The following RETSAT variants were observed in gnomAD, a reference collection of about 807,000 sequenced individuals.
RETSAT encodes all-trans-retinol 13,14-reductase.
In RETSAT, 35 loss-of-function variants were observed where a neutral mutation model predicts 61.6. The observed-to-expected ratio is 0.57, with a 90% confidence interval of 0.43 to 0.75. RETSAT has a LOEUF of 0.75. RETSAT is among the 30% of genes least tolerant of loss of function. RETSAT has a pLI of 0.00. For synonymous variants in RETSAT, 277 were observed against 310.4 expected, an observed-to-expected ratio of 0.89 and a Z score of 1.13; for missense variants, 670 against 759.5, an observed-to-expected ratio of 0.88 and a Z score of 1.38.
chr2:85,351,305 C>G (rs1213286063), intron 2 of RETSAT: 2 of 479,636 alleles, frequency 4.2e-6, no homozygotes, highest in Non-Finnish European at 7.5e-6. Context: ...GGAGGTGGAT[C>G]ACTTGAGGTC....
intron 4 of RETSAT, 191 bp downstream of exon 4, chr2:85,349,840 TCATCCAAGG>T: frequency 1.6e-6 from 1 of 635,232 alleles, no homozygotes; most frequent in Non-Finnish European, 2.7e-6. Flanking sequence ...AATTGAAAAA[TCATCCAAGG>T]CATGGATGAA....
chr2:85,343,248 C>G lies in RETSAT; in HGVS notation c.1827G>C (p.Lys609Asn), dbSNP rs773773165. 2.5e-6 allele frequency: 4 copies of G among 1,614,050 alleles called. No homozygotes were observed. Among genetic ancestry groups the G allele is most frequent in the Non-Finnish European group, 3.4e-6 (4 of 1,179,884 alleles). The change falls in exon 11 of 11, where the codon AAG becomes AAC. Residue 609 changes from lysine to asparagine, a missense_variant. Physicochemically the swap from Lys to Asn is moderately conservative, Grantham distance 94. Coordinates refer to ENST00000295802, the MANE Select transcript of RETSAT (RefSeq NM_017750.4). ...TGACTCCTCCCTGATGGAACTAATTCTTTTTCTTCTGTGCCCGGATCCTAG... is the reference window on the plus strand; with the variant it reads ...TGACTCCTCCCTGATGGAACTAATTGTTTTTCTTCTGTGCCCGGATCCTAG... ...LDSRIRAQKK[K>N]N
chr2:85,345,535 T>C (rs1052839458), intron 6 of RETSAT: 5 of 339,934 alleles, frequency 1.5e-5, no homozygotes, highest in African/African-American at 1.1e-4. Flanking sequence ...ACTGGTCCCC[T>C]CTTCCCAGCG....
chr2:85,354,433 G>A lies in RETSAT; in HGVS notation c.75C>T (p.Phe25=). The A allele has an allele frequency of 1.9e-6, 3 of 1,614,236 alleles. No homozygotes were observed. Among genetic ancestry groups the A allele is most frequent in the Non-Finnish European group, 2.5e-6 (3 of 1,180,044 alleles). ...AGAAAGGATTCGGGGAGCTGCCAGA[G>A]AATAGTCCCAAGTAAACTTTGCAGA... ...AVLCKVYLGL[F]SGSSPNPFSE... The change falls in exon 1 of 11, where the codon TTC becomes TTT. Residue 25 remains phenylalanine (F), a synonymous_variant. Transcript: ENST00000295802.
chr2:85,349,299 T>G, intron 5 of RETSAT, 85 bp downstream of exon 5: 1 of 1,344,712 alleles, frequency 7.4e-7, no homozygotes, highest in South Asian at 1.2e-5. Context: ...TCAGTTCTCC[T>G]ACTCCTTCTG....
intron 3 of RETSAT, 28 bp from the exon 4 acceptor site, chr2:85,350,269 C>CTCAT: frequency 6.4e-7 from 1 of 1,572,644 alleles, no homozygotes; most frequent in Non-Finnish European, 8.8e-7. Flanking sequence ...GACAGCAGGC[C>CTCAT]TCACCTCTAG....
chr2:85,343,027 T>C lies in RETSAT; in HGVS notation c.*215A>G. 1 of 525,974 alleles carries C rather than the reference T, an allele frequency of 1.9e-6. No individual in the cohort carries two copies. Among genetic ancestry groups the C allele is most frequent in the Non-Finnish European group, 3.4e-6 (1 of 294,294 alleles). 32.6% of individuals were successfully genotyped at this position (525,974 alleles called of 1,614,324 possible). A position where few individuals can be genotyped will look rare whatever the true frequency, so the allele number is the denominator to read the frequency against. ...TCCTATTAGTAGGGATGGCATGTTA[T>C]AAAAGGCGTAAAGATCTCACCTGCC... On this transcript the variant is annotated 3_prime_UTR_variant, in exon 11 of 11. Coordinates refer to ENST00000295802, the MANE Select transcript of RETSAT (RefSeq NM_017750.4).
intron 5 of RETSAT, among the ~76,000 whole-genome samples, chr2:85,348,630 C>CAAAAAAAAA (rs11400450): frequency 2.3e-5 from 1 of 43,898 alleles, no homozygotes; most frequent in Non-Finnish European, 5.5e-5. Context: ...GACTCCAACT[C>CAAAAAAAAA]AAAAAAAAAA....
intron 1 of RETSAT, among the ~76,000 whole-genome samples, chr2:85,353,366 G>A (rs899241381): frequency 2.0e-5 from 3 of 152,214 alleles, no homozygotes; most frequent in East Asian, 1.9e-4. Context: ...CCCAGGAGGC[G>A]GAAGTTGCGG....
rs1683133685 is a variant in RETSAT at position 85,343,785 on chromosome 2, G to C, written c.1547C>G (p.Thr516Ser). The change falls in exon 10 of 11, where the codon ACT becomes AGT. Residue 516 changes from threonine to serine, a missense_variant. Thr to Ser is a moderately conservative substitution (Grantham distance 58). Coordinates refer to ENST00000295802, the MANE Select transcript of RETSAT (RefSeq NM_017750.4). ...CTGGTTGGTGAGTGGGGATCCTGCAGTCACACTCTCCACCTGAGGGCAGAA... is the reference window on the plus strand; with the variant it reads ...CTGGTTGGTGAGTGGGGATCCTGCACTCACACTCTCCACCTGAGGGCAGAA... ...PQLEGKVESV[T>S]AGSPLTNQFY... 5.6e-6 allele frequency: 9 copies of C among 1,613,848 alleles called. No homozygotes were observed. The East Asian group carries it at 2.0e-4, about 36-fold the overall frequency.
chr2:85,346,754 T>TA (rs1343032183), intron 5 of RETSAT, among the ~76,000 whole-genome samples: 6 of 151,868 alleles, frequency 4.0e-5, no homozygotes, highest in Admixed American at 2.0e-4. Flanking sequence ...ACCGTGTATC[T>TA]AAAAAAAATG....
Position 85,351,828 on chromosome 2 carries a change from A to G in RETSAT, c.207T>C (p.Asp69=). Residue 69 remains aspartate, a synonymous_variant, in exon 2 of 11, where the codon GAT becomes GAC. Transcript: ENST00000295802. ...FSANQVPEKL[D]VVVIGSGFGG... ...CAAAGCCACTGCCAATTACCACCAC[A>G]TCCAGCTTCTCCGGCACTTGGTTGG... 6.2e-7 allele frequency: 1 copy of G among 1,614,046 alleles called. No homozygotes were observed. Among genetic ancestry groups the G allele is most frequent in the Non-Finnish European group, 8.5e-7 (1 of 1,180,004 alleles).
chr2:85,350,275 T>C, intron 3 of RETSAT, 34 bp from the exon 4 acceptor site: 3 of 1,518,998 alleles, frequency 2.0e-6, no homozygotes, highest in Non-Finnish European at 2.7e-6. Context: ...AGGCCTCACC[T>C]CTAGAACCGC....
chr2:85,351,159 AG>A, intron 2 of RETSAT, 138 bp from the exon 3 acceptor site: 1 of 1,019,544 alleles, frequency 9.8e-7, no homozygotes, highest in Non-Finnish European at 1.4e-6. Context: ...CTCTGTCTGT[AG>A]GGAGGTGTCA....
At chr2:85,349,310 G>A (rs1232172084) in intron 5 of RETSAT, 74 bp downstream of exon 5, 11 of 1,449,744 alleles carry the variant, frequency 7.6e-6, no homozygotes, top group South Asian at 1.2e-5. Flanking sequence ...ACTCCTTCTG[G>A]TCTCAGGGAG....
At chr2:85,352,002 A>G (rs535914832) in intron 1 of RETSAT, 140 bp from the exon 2 acceptor site, 4 of 736,776 alleles carry the variant, frequency 5.4e-6, no homozygotes, top group African/African-American at 5.3e-5. Flanking sequence ...CTTGACTAAC[A>G]TGTTTCAAAC....
At chr2:85,351,623 C>T (rs1683300828) in intron 2 of RETSAT, 57 bp downstream of exon 2, 2 of 1,545,106 alleles carry the variant, frequency 1.3e-6, no homozygotes, top group Non-Finnish European at 8.8e-7. Flanking sequence ...ACAAGGGCTG[C>T]TCCAAGCCTC....
chr2:85,350,715 A>G, intron 3 of RETSAT, 65 bp downstream of exon 3: 1 of 1,597,730 alleles, frequency 6.3e-7, no homozygotes, highest in East Asian at 2.2e-5. Context: ...CAGTGCCTCC[A>G]CTAATAATAA....
intron 5 of RETSAT, among the ~76,000 whole-genome samples, chr2:85,347,260 C>T (rs1280856399): frequency 3.3e-5 from 5 of 152,082 alleles, no homozygotes; most frequent in African/African-American, 4.8e-5. Flanking sequence ...GATGAAGCCT[C>T]GCTCCGTTGC....
Sources: gnomAD v4.1 joint callset for allele counts (sites outside exome capture counted in the v4.1 genomes callset) on GRCh38, gnomAD v4.1.1 for gene constraint, MANE v1.5 for transcripts, NCBI Gene and HGNC (gene_info 2026-07-23, HGNC 2026-07-21) for gene names.